The following AKAIN1 variants were observed in gnomAD, a reference collection of about 807,000 sequenced individuals.
The protein encoded by AKAIN1 is A-kinase anchor protein inhibitor 1.
AKAIN1 carries 3 observed loss-of-function variants against 3.7 expected under a neutral mutation model. The ratio of observed to expected loss-of-function variants is 0.82; its 90% confidence interval spans 0.37 to 2.12. The LOEUF is 2.12. AKAIN1 is among the 30% of genes most tolerant of loss of function. The probability of loss-of-function intolerance (pLI) is 0.06; values close to 1 mark genes in which losing one functional copy is unlikely to be tolerated. For missense variants in AKAIN1, 82 were observed against 82.7 expected, an observed-to-expected ratio of 0.99 and a Z score of 0.03; for synonymous variants, 31 against 30.8, an observed-to-expected ratio of 1.01 and a Z score of -0.02.
chr18:5,183,735 T>C (rs554125875), intron 1 of AKAIN1, among the ~76,000 whole-genome samples: 2 of 152,246 alleles, frequency 1.3e-5, no homozygotes, highest in East Asian at 3.9e-4. Context: ...CCATTGCTCT[T>C]AGGAAAAATC....
At chr18:5,183,869 A>C (rs139247657) in intron 1 of AKAIN1, among the ~76,000 whole-genome samples, 1 of 152,088 alleles carries the variant, frequency 6.6e-6, no homozygotes, top group East Asian at 1.9e-4. Context: ...TTGATTCATT[A>C]ACATTGATTT....
intron 1 of AKAIN1, among the ~76,000 whole-genome samples, chr18:5,160,165 G>A (rs2071131264): frequency 6.6e-6 from 1 of 152,142 alleles, no homozygotes; most frequent in Admixed American, 6.6e-5. Context: ...GCTAAGTATT[G>A]CCAACCTGTT....
At chr18:5,150,080 T>C (rs1323892087) in intron 1 of AKAIN1, among the ~76,000 whole-genome samples, 1 of 152,200 alleles carries the variant, frequency 6.6e-6, no homozygotes, top group African/African-American at 2.4e-5. Flanking sequence ...GGAACACAGC[T>C]ACTTAGGAGG....
chr18:5,176,398 C>T (rs1194893514), intron 1 of AKAIN1, among the ~76,000 whole-genome samples: 2 of 152,024 alleles, frequency 1.3e-5, no homozygotes, highest in African/African-American at 4.8e-5. Context: ...CGAGATCGTG[C>T]CACTGCACTC....
intron 1 of AKAIN1, among the ~76,000 whole-genome samples, chr18:5,147,613 C>A (rs2071056435): frequency 6.6e-6 from 1 of 152,138 alleles, no homozygotes; most frequent in African/African-American, 2.4e-5. Flanking sequence ...TAAGAGGAAA[C>A]ATCACAAAAG....
chr18:5,159,201 A>G (rs1005125408), intron 1 of AKAIN1: 3 of 152,068 alleles, frequency 2.0e-5, no homozygotes, highest in African/African-American at 7.2e-5. Context: ...GATATTTCAG[A>G]AGAAAAAAAG....
chr18:5,167,203 T>C (rs2071172306), intron 1 of AKAIN1, among the ~76,000 whole-genome samples: 1 of 152,104 alleles, frequency 6.6e-6, no homozygotes, highest in African/African-American at 2.4e-5. Flanking sequence ...AGAAATGTAC[T>C]GAAAGAGTCA....
chr18:5,171,403 A>G (rs1031664323), intron 1 of AKAIN1, among the ~76,000 whole-genome samples: 1 of 152,126 alleles, frequency 6.6e-6, no homozygotes, highest in African/African-American at 2.4e-5. Context: ...TGAAGAGACA[A>G]CCCACAGAAT....
At chr18:5,190,949 G>A (rs940881815) in intron 1 of AKAIN1, among the ~76,000 whole-genome samples, 13 of 152,072 alleles carry the variant, frequency 8.5e-5, no homozygotes, top group African/African-American at 3.1e-4. Flanking sequence ...GTAAATTGGT[G>A]ATGAGGGAAC....
chr18:5,144,322 T>C lies in AKAIN1; in HGVS notation c.*1240A>G, dbSNP rs430364. ...AATGTAGATATTGATACTCTGAAACTAGAAGGTTTTTAACCAAGGTCAAAT... is the reference window on the plus strand; with the variant it reads ...AATGTAGATATTGATACTCTGAAACCAGAAGGTTTTTAACCAAGGTCAAAT... On this transcript the variant is annotated 3_prime_UTR_variant, in exon 2 of 2. Transcript: ENST00000434239. Among the ~76,000 whole-genome samples the C allele has an allele frequency of 0.71, 108,542 of 152,134 alleles. 40,065 individuals are homozygous for C. The highest frequency in any genetic ancestry group is 0.9 in the African/African-American group (37,220 of 41,524).
At chr18:5,180,904 A>T (rs1366906288) in intron 1 of AKAIN1, among the ~76,000 whole-genome samples, 1 of 152,046 alleles carries the variant, frequency 6.6e-6, no homozygotes, top group Non-Finnish European at 1.5e-5. Flanking sequence ...TGTCAAACAG[A>T]CTCATTATAC....
intron 1 of AKAIN1, among the ~76,000 whole-genome samples, chr18:5,165,269 C>T (rs2071161445): frequency 6.6e-6 from 1 of 151,878 alleles, no homozygotes; most frequent in South Asian, 2.1e-4. Flanking sequence ...CTAATAAAAG[C>T]AGATAAAATG....
chr18:5,184,647 A>T (rs2071277216), intron 1 of AKAIN1, among the ~76,000 whole-genome samples: 3 of 152,142 alleles, frequency 2.0e-5, no homozygotes, highest in African/African-American at 7.2e-5. Context: ...GAGGTAAAAG[A>T]TCTCTACAAC....
Position 5,145,409 on chromosome 18 carries a change from CAG to C in AKAIN1, c.*151_*152del. 1 of 605,198 alleles carries C rather than the reference CAG, an allele frequency of 1.7e-6. No individual in the cohort carries two copies. The allele number at this position is 605,198 out of a possible 1,614,324, so 37.5% of individuals were successfully genotyped here. On this transcript the variant is annotated 3_prime_UTR_variant, in exon 2 of 2. Coordinates refer to ENST00000434239, the MANE Select transcript of AKAIN1 (RefSeq NM_001145194.2). The stretch of plus-strand genomic sequence containing the variant: ...AATCGTCTAATGCACTTTTTCAAAA[CAG>C]TGCTTCTCAGCCAGGGGCTAGTGTG...
intron 1 of AKAIN1, among the ~76,000 whole-genome samples, chr18:5,162,748 A>G (rs1473681336): frequency 1.3e-5 from 2 of 151,760 alleles, no homozygotes; most frequent in African/African-American, 4.8e-5. Flanking sequence ...TAAATCATCA[A>G]TGACAGAAGT....
chr18:5,169,733 T>C (rs755949325), intron 1 of AKAIN1, among the ~76,000 whole-genome samples: 1 of 152,188 alleles, frequency 6.6e-6, no homozygotes, highest in Non-Finnish European at 1.5e-5. Flanking sequence ...TTAGAAAATC[T>C]AGATAAACTA....
intron 1 of AKAIN1, among the ~76,000 whole-genome samples, chr18:5,185,553 TTTC>T (rs1260810078): frequency 6.6e-6 from 1 of 152,078 alleles, no homozygotes; most frequent in African/African-American, 2.4e-5. Context: ...AACAGACACT[TTTC>T]AGAAGAAGAC....
intron 1 of AKAIN1, among the ~76,000 whole-genome samples, chr18:5,179,594 C>CAGT (rs2071245789): frequency 6.6e-6 from 1 of 151,928 alleles, no homozygotes; most frequent in African/African-American, 2.4e-5. Flanking sequence ...GGTAGATACC[C>CAGT]AGTAGTGGGA....
rs549606174 is a variant in AKAIN1, at chr18:5,144,284, T to TA, written c.*1277dup. Among the ~76,000 whole-genome samples the TA allele has an allele frequency of 2.0e-5, 3 of 151,766 alleles. No homozygotes were observed. The highest frequency in any genetic ancestry group is 6.6e-5 in the Admixed American group (1 of 15,202). On this transcript the variant is annotated 3_prime_UTR_variant, in exon 2 of 2. Coordinates refer to ENST00000434239, the MANE Select transcript of AKAIN1 (RefSeq NM_001145194.2). ...CAATTTATACCCGAATACTTTGCTTTAAAAAAAAATCAAATGTAGATATTG... is the reference window on the plus strand; with the variant it reads ...CAATTTATACCCGAATACTTTGCTTTAAAAAAAAAATCAAATGTAGATATTG...
Sources: allele counts gnomAD v4.1 joint callset (sites outside exome capture counted in the v4.1 genomes callset), GRCh38; gene constraint gnomAD v4.1.1; transcripts MANE v1.5; gene names NCBI Gene and HGNC (gene_info 2026-07-23, HGNC 2026-07-21).